Variants in CA10 observed in about 807,000 individuals in gnomAD.
The protein encoded by CA10 is carbonic anhydrase 10 (inactive).
In CA10, 14 loss-of-function variants were observed where a neutral mutation model predicts 44.2. That is an observed-to-expected ratio of 0.32 (90% CI 0.21 to 0.50). CA10 has a LOEUF of 0.50. CA10 is among the 20% of genes least tolerant of loss of function. The probability of loss-of-function intolerance (pLI) is 0.99; values close to 1 mark genes in which losing one functional copy is unlikely to be tolerated. For synonymous variants in CA10, 159 were observed against 141.6 expected, an observed-to-expected ratio of 1.12 and a Z score of -0.87; for missense variants, 350 against 409.7, an observed-to-expected ratio of 0.85 and a Z score of 1.26.
In CA10 at chr17:51,878,899, T is replaced by G. The variant is rs953127571; in HGVS notation, c.279+52091A>C. 7.7e-3 allele frequency among the ~76,000 whole-genome samples: 980 copies of G among 128,018 alleles called. 87 individuals are homozygous for G. The highest frequency in any genetic ancestry group is 0.028 in the Middle Eastern group (7 of 254). 84.0% of individuals were successfully genotyped at this position (128,018 alleles called of 152,430 possible). On this transcript the variant is annotated intron_variant, in intron 3 of 8. Transcript: ENST00000451037. The stretch of plus-strand genomic sequence containing the variant: ...ATATATATATATATATATGGGTGTG[T>G]GTGTGTGTGTGTGTATGTGTGTATG...
intron 3 of CA10, 102 bp from the exon 4 acceptor site, chr17:51,747,920 G>A (rs1904761046): frequency 1.2e-6 from 1 of 833,096 alleles, no homozygotes; most frequent in Non-Finnish European, 1.9e-6. Flanking sequence ...TCCTCTTGAT[G>A]GGAAGATGGG....
At chr17:52,068,152 C>T (rs900203492) in intron 2 of CA10, among the ~76,000 whole-genome samples, 1 of 150,016 alleles carries the variant, frequency 6.7e-6, no homozygotes, top group African/African-American at 2.4e-5. Flanking sequence ...ATAATATCCA[C>T]ATTTCAAAGG....
intron 5 of CA10, among the ~76,000 whole-genome samples, chr17:51,651,175 G>T (rs1204759193): frequency 1.3e-5 from 2 of 152,186 alleles, no homozygotes; most frequent in African/African-American, 4.8e-5. Flanking sequence ...TGCCCACCCT[G>T]CTGGGAAGGG....
chr17:51,991,292 T>C (rs1416033333), intron 2 of CA10, among the ~76,000 whole-genome samples: 2 of 152,136 alleles, frequency 1.3e-5, no homozygotes, highest in East Asian at 3.9e-4. Context: ...TTTTAAACTT[T>C]CTAATGGCCA....
chr17:51,939,117 C>T (rs1301584366), intron 2 of CA10, among the ~76,000 whole-genome samples: 3 of 152,024 alleles, frequency 2.0e-5, no homozygotes, highest in African/African-American at 7.2e-5. Context: ...TACAAACATA[C>T]ATACAAATAT....
chr17:51,927,608 T>G (rs1021173468), intron 3 of CA10, among the ~76,000 whole-genome samples: 1 of 152,180 alleles, frequency 6.6e-6, no homozygotes, highest in South Asian at 2.1e-4. Context: ...GAATCTCACT[T>G]ATGTGACTAT....
intron 3 of CA10, among the ~76,000 whole-genome samples, chr17:51,777,895 G>A (rs1905892266): frequency 1.3e-5 from 2 of 152,204 alleles, no homozygotes; most frequent in African/African-American, 4.8e-5. Context: ...TTGTGCCACT[G>A]CACTCTAGCC....
At chr17:51,899,140 T>C (rs746113047) in intron 3 of CA10, among the ~76,000 whole-genome samples, 2 of 152,124 alleles carry the variant, frequency 1.3e-5, no homozygotes, top group Non-Finnish European at 2.9e-5. Flanking sequence ...TGTTAGGTTG[T>C]TAATTTGAGA....
chr17:51,681,427 T>C (rs919807823), intron 4 of CA10, among the ~76,000 whole-genome samples: 2 of 152,184 alleles, frequency 1.3e-5, no homozygotes, highest in African/African-American at 4.8e-5. Flanking sequence ...ATAGCATTGG[T>C]TGATATAAGG....
Position 52,158,473 on chromosome 17 carries a change from C to T in CA10, c.-687G>A, listed in dbSNP as rs1024061765. 6.9e-5 allele frequency: 11 copies of T among 158,834 alleles called. No individual in the cohort carries two copies. Among genetic ancestry groups the T allele is most frequent in the Admixed American group, 2.5e-4 (4 of 15,762 alleles). The allele number at this position is 158,834 out of a possible 1,614,324, so 9.8% of individuals were successfully genotyped here. A position where few individuals can be genotyped will look rare whatever the true frequency, so the allele number is the denominator to read the frequency against. ...CCAGCCGCCGGCAGCCTCCGCCGACCCTCCCTGCTCCCCAGGTCCGCGCGC... is the reference window on the plus strand; with the variant it reads ...CCAGCCGCCGGCAGCCTCCGCCGACTCTCCCTGCTCCCCAGGTCCGCGCGC... On this transcript the variant is annotated 5_prime_UTR_variant, in exon 1 of 9. Transcript: ENST00000451037.
rs902124109 is a variant in CA10 at position 51,631,586 on chromosome 17, A to C, written c.985T>G (p.Ter329GluextTer11). The C allele has an allele frequency of 1.9e-6, 3 of 1,613,088 alleles. No homozygotes were observed. ...QYRVNEWLLK[*>E] ...GGGATTCTTCTTGGCTTTGTTCCCT[A>C]CTTGAGGAGCCATTCATTTACTGCA... Residue 329 changes from the stop codon to glutamate, a stop_lost, in exon 9 of 9, where the codon TAG becomes GAG. Transcript: ENST00000451037.
intron 3 of CA10, among the ~76,000 whole-genome samples, chr17:51,850,735 C>T (rs750469199): frequency 3.9e-5 from 6 of 152,190 alleles, no homozygotes; most frequent in South Asian, 2.1e-4. Flanking sequence ...CTTAGAACAG[C>T]GCCCAACACT....
At chr17:52,026,848 C>T (rs1483314270) in intron 2 of CA10, among the ~76,000 whole-genome samples, 4 of 151,908 alleles carry the variant, frequency 2.6e-5, no homozygotes, top group African/African-American at 9.7e-5. Context: ...TGGGCGGGGA[C>T]ACAGCCAAAC....
intron 2 of CA10, among the ~76,000 whole-genome samples, chr17:51,977,954 A>G (rs73348664): frequency 0.021 from 3,150 of 152,238 alleles, 109 homozygotes; most frequent in African/African-American, 0.072. Flanking sequence ...TTTTAGGGTT[A>G]AATTTAATGG....
At chr17:51,668,031 A>T (rs1316073649) in intron 4 of CA10, among the ~76,000 whole-genome samples, 2 of 152,124 alleles carry the variant, frequency 1.3e-5, no homozygotes, top group Non-Finnish European at 2.9e-5. Flanking sequence ...TATCCTTGTA[A>T]CCCAGGCCCA....
At chr17:51,874,980 TTTTC>T (rs1980000881) in intron 3 of CA10, among the ~76,000 whole-genome samples, 6 of 144,890 alleles carry the variant, frequency 4.1e-5, no homozygotes, top group Non-Finnish European at 7.7e-5. Context: ...TTTTCTTTTC[TTTTC>T]TTTTCTTTTC....
intron 3 of CA10, among the ~76,000 whole-genome samples, chr17:51,822,577 G>A (rs896548913): frequency 2.6e-5 from 4 of 152,066 alleles, no homozygotes; most frequent in Admixed American, 6.5e-5. Context: ...GGTGTTTACT[G>A]TCCTTCACTC....
intron 2 of CA10, among the ~76,000 whole-genome samples, chr17:51,966,285 A>C (rs1984079013): frequency 6.6e-6 from 1 of 152,012 alleles, no homozygotes; most frequent in Admixed American, 6.6e-5. Flanking sequence ...CATGCTGCCC[A>C]GTGCAATCTA....
intron 7 of CA10, 24 bp downstream of exon 7, chr17:51,635,831 C>T (rs761927878): frequency 6.6e-7 from 1 of 1,524,184 alleles, no homozygotes; most frequent in Non-Finnish European, 8.9e-7. Context: ...TCTCCATTAG[C>T]TAAATGACCA....
Sources: allele counts gnomAD v4.1 joint callset (sites outside exome capture counted in the v4.1 genomes callset), GRCh38; gene constraint gnomAD v4.1.1; transcripts MANE v1.5; gene names NCBI Gene and HGNC (gene_info 2026-07-23, HGNC 2026-07-21).